The following NFRKB variants were observed in gnomAD, a reference collection of about 807,000 sequenced individuals.
The protein encoded by NFRKB is nuclear factor related to kappa-B-binding protein.
Under a neutral mutation model 135.7 loss-of-function variants are expected in NFRKB, and 62 were observed. The observed-to-expected ratio is 0.46, with a 90% CI of 0.37 to 0.56. The LOEUF is 0.56. Among genes scored for constraint, NFRKB ranks in the 20% least tolerant of loss-of-function variants. The probability of loss-of-function intolerance (pLI) is 0.00; values close to 1 mark genes in which losing one functional copy is unlikely to be tolerated. For synonymous variants in NFRKB, 678 were observed against 635.6 expected, an observed-to-expected ratio of 1.07 and a Z score of -1.00; for missense variants, 1,545 against 1,662.0, an observed-to-expected ratio of 0.93 and a Z score of 1.22.
chr11:129,888,638 A>C lies in NFRKB; in HGVS notation c.293T>G (p.Phe98Cys). The C allele has an allele frequency of 1.2e-6, 2 of 1,614,190 alleles. No homozygotes were observed. The highest frequency in any genetic ancestry group is 1.7e-6 in the Non-Finnish European group (2 of 1,180,044). The change falls in exon 4 of 27, where the codon TTC (phenylalanine) becomes TGC (cysteine). Residue 98 changes from phenylalanine to cysteine, a missense_variant. By Grantham distance (205) the Phe-to-Cys change is radical. This residue lies in a region of NFRKB where 678 missense variants were observed against 646.7 expected (regional missense o/e 1.05). Coordinates refer to ENST00000682444, the MANE Select transcript of NFRKB (RefSeq NM_001143835.2). ...AATGTGCAGAGGGTTTCCAAAGCGG[A>C]AGTTCTCCCCACTGAACAAGGCTAA... ...LILALFSGEN[F>C]RFGNPLHIAQ...
chr11:129,890,972 A>G (rs557285934), intron 3 of NFRKB, among the ~76,000 whole-genome samples: 72 of 152,402 alleles, frequency 4.7e-4, no homozygotes, highest in African/African-American at 1.7e-3. Flanking sequence ...TCTTATTGAC[A>G]TAACTGAACA....
At chr11:129,886,490 ACAT>A (rs1179311590) in intron 4 of NFRKB, 46 bp from the exon 5 acceptor site, 1 of 1,556,404 alleles carries the variant, frequency 6.4e-7, no homozygotes, top group African/African-American at 1.4e-5. Context: ...CAACAAATAT[ACAT>A]CATCAGTCAA....
chr11:129,884,038 A>G, intron 8 of NFRKB, 32 bp downstream of exon 8: 3 of 1,612,796 alleles, frequency 1.9e-6, no homozygotes, highest in Non-Finnish European at 2.5e-6. Context: ...TCAGGCTGAA[A>G]ACCACACGGC....
chr11:129,880,303 G>A (rs1177353198), intron 13 of NFRKB, among the ~76,000 whole-genome samples: 1 of 152,118 alleles, frequency 6.6e-6, no homozygotes, highest in African/African-American at 2.4e-5. Flanking sequence ...TCCACCAGCT[G>A]CAAATCTAAC....
At chr11:129,892,116 T>G (rs1949585742) in intron 3 of NFRKB, among the ~76,000 whole-genome samples, 1 of 152,146 alleles carries the variant, frequency 6.6e-6, no homozygotes, top group Middle Eastern at 3.4e-3. Context: ...CATGGGTGAG[T>G]TCTTTAGTGG....
intron 17 of NFRKB, 117 bp downstream of exon 17, chr11:129,876,604 T>C: frequency 2.6e-6 from 3 of 1,149,358 alleles, no homozygotes; most frequent in Non-Finnish European, 3.6e-6. Context: ...AAACTATGCC[T>C]TGTTCTCAAA....
chr11:129,879,375 T>C (rs1948922212), intron 13 of NFRKB, among the ~76,000 whole-genome samples: 1 of 152,158 alleles, frequency 6.6e-6, no homozygotes, highest in Non-Finnish European at 1.5e-5. Flanking sequence ...CAGGTATATG[T>C]GCTCCCTCCA....
chr11:129,872,792 A>G (rs1948576601), intron 23 of NFRKB, 92 bp downstream of exon 23: 1 of 1,275,270 alleles, frequency 7.8e-7, no homozygotes, highest in Non-Finnish European at 1.1e-6. Context: ...TCTTCTTCCC[A>G]TGGGCATGCA....
At position 129,877,339 on chromosome 11, in the gene NFRKB, C is replaced by T; in HGVS notation, c.1558G>A (p.Val520Ile). Residue 520 changes from valine to isoleucine, a missense_variant, in exon 16 of 27, where the codon GTT becomes ATT. Val to Ile is a conservative substitution (Grantham distance 29). Coordinates refer to ENST00000682444, the MANE Select transcript of NFRKB (RefSeq NM_001143835.2). ...TAGGTTCTTACCTGCTCCTGAAAAA[C>T]CCGTTTCTCCTCCCCCGTGCTGGGA... ...VRPSTGEEKR[V>I]FQEQERYRYS... The T allele has an allele frequency of 6.2e-7, 1 of 1,614,132 alleles. No homozygotes were observed. Among genetic ancestry groups the T allele is most frequent in the Non-Finnish European group, 8.5e-7 (1 of 1,180,012 alleles).
intron 13 of NFRKB, among the ~76,000 whole-genome samples, chr11:129,878,761 G>A (rs894616389): frequency 2.0e-5 from 3 of 152,178 alleles, no homozygotes; most frequent in South Asian, 4.1e-4. Flanking sequence ...GTAGGCATTC[G>A]CTGAGTATCC....
In NFRKB at chr11:129,873,731, G is replaced by GC; in HGVS notation, c.2550+13dup. 6.2e-7 allele frequency: 1 copy of GC among 1,607,826 alleles called. No individual in the cohort carries two copies. The highest frequency in any genetic ancestry group is 8.5e-7 in the Non-Finnish European group (1 of 1,174,692). On this transcript the variant is annotated intron_variant, in intron 22 of 26. Transcript: ENST00000682444. ...GCATCTCTGCTTCCCAATGACCACGGCTTCCCTGTTTACCTGGGGCACTAC... is the reference window on the plus strand; with the variant it reads ...GCATCTCTGCTTCCCAATGACCACGGCCTTCCCTGTTTACCTGGGGCACTAC...
chr11:129,871,761 C>T (rs1948519482), intron 23 of NFRKB, among the ~76,000 whole-genome samples: 1 of 152,178 alleles, frequency 6.6e-6, no homozygotes, highest in Non-Finnish European at 1.5e-5. Flanking sequence ...GTTCTTGTCC[C>T]CCATTGTTCA....
chr11:129,883,088 A>G (rs1267507912), intron 9 of NFRKB, 34 bp downstream of exon 9: 3 of 1,597,788 alleles, frequency 1.9e-6, no homozygotes, highest in Middle Eastern at 1.7e-4. Flanking sequence ...CACCATAGTC[A>G]GATGAAGGCT....
At chr11:129,875,504 G>T in intron 17 of NFRKB, 41 bp from the exon 18 acceptor site, 2 of 1,499,860 alleles carry the variant, frequency 1.3e-6, no homozygotes, top group Non-Finnish European at 9.1e-7. Flanking sequence ...AGTCAGGCAG[G>T]GTTCCTACGG....
intron 1 of NFRKB, among the ~76,000 whole-genome samples, chr11:129,894,972 G>A (rs1949708672): frequency 6.6e-6 from 1 of 152,164 alleles, no homozygotes; most frequent in African/African-American, 2.4e-5. Context: ...CTAGTCCACT[G>A]ACAACCTTTG....
intron 2 of NFRKB, 23 bp from the exon 3 acceptor site, chr11:129,892,893 A>C: frequency 6.2e-7 from 1 of 1,613,850 alleles, no homozygotes; most frequent in Non-Finnish European, 8.5e-7. Context: ...ATGCATCTTG[A>C]GACAGAAAGG....
At chr11:129,893,429 G>A (rs561326489) in intron 2 of NFRKB, 80 of 339,280 alleles carry the variant, frequency 2.4e-4, no homozygotes, top group African/African-American at 1.6e-3. Context: ...GCGTGGTGGC[G>A]CACGCCTGTA....
intron 23 of NFRKB, 48 bp from the exon 24 acceptor site, chr11:129,870,309 G>A (rs551924001): frequency 7.3e-5 from 114 of 1,559,238 alleles, no homozygotes; most frequent in Admixed American, 2.8e-4. Context: ...ATAGTAAACC[G>A]GTTACAAAAT....
At position 129,873,109 on chromosome 11, in the gene NFRKB, A is replaced by G; in HGVS notation, c.2551-13T>C. 6.3e-7 allele frequency: 1 copy of G among 1,578,162 alleles called. No individual in the cohort carries two copies. The highest frequency in any genetic ancestry group is 1.3e-5 in the African/African-American group (1 of 74,268). On this transcript the variant is annotated splice_polypyrimidine_tract_variant and intron_variant, in intron 22 of 26. Coordinates refer to ENST00000682444, the MANE Select transcript of NFRKB (RefSeq NM_001143835.2). ...TGGCCATTACTGTCTAGTTGAGGGCATGAGGCCAAGAGCTTAATTAGACTC... is the reference window on the plus strand; with the variant it reads ...TGGCCATTACTGTCTAGTTGAGGGCGTGAGGCCAAGAGCTTAATTAGACTC...
Sources: gnomAD v4.1 joint callset for allele counts (sites outside exome capture counted in the v4.1 genomes callset) on GRCh38, gnomAD v4.1.1 for gene constraint, gnomAD v4.1.1 regional missense constraint, MANE v1.5 for transcripts, NCBI Gene and HGNC (gene_info 2026-07-23, HGNC 2026-07-21) for gene names.